The following TTC29 variants were observed in gnomAD, a reference collection of about 807,000 sequenced individuals.
TTC29 encodes the protein tetratricopeptide repeat protein 29.
TTC29 carries 49 observed loss-of-function variants against 58.1 expected under a neutral mutation model. That is an observed-to-expected ratio of 0.84 (90% CI 0.67 to 1.07). The LOEUF (loss-of-function observed/expected upper bound fraction) is 1.07, where lower values mean the gene tolerates loss of function less well. Ranked by LOEUF, TTC29 falls within the 50% of genes least tolerant of loss-of-function variation. The probability of loss-of-function intolerance (pLI) is 0.00; values close to 1 mark genes in which losing one functional copy is unlikely to be tolerated. For missense variants in TTC29, 582 were observed against 555.6 expected (o/e 1.05, Z -0.48); for synonymous variants, 209 against 196.8 (o/e 1.06, Z -0.52).
At chr4:146,837,666 C>T (rs921362821) in intron 8 of TTC29, among the ~76,000 whole-genome samples, 1 of 151,866 alleles carries the variant, frequency 6.6e-6, no homozygotes, top group Non-Finnish European at 1.5e-5. Context: ...TAAGAAAATA[C>T]AGTGTGGCAA....
chr4:146,742,521 A>C (rs1437946163), intron 11 of TTC29, among the ~76,000 whole-genome samples: 1 of 152,174 alleles, frequency 6.6e-6, no homozygotes, highest in African/African-American at 2.4e-5. Flanking sequence ...AAACATTGAA[A>C]AAAATTTGTA....
At chr4:146,788,772 T>C (rs889885226) in intron 11 of TTC29, among the ~76,000 whole-genome samples, 1 of 152,076 alleles carries the variant, frequency 6.6e-6, no homozygotes, top group Non-Finnish European at 1.5e-5. Flanking sequence ...TGTCAATATG[T>C]GGCATTTAGT....
chr4:146,773,366 C>T (rs949129950), intron 11 of TTC29, among the ~76,000 whole-genome samples: 4 of 151,866 alleles, frequency 2.6e-5, no homozygotes, highest in African/African-American at 2.4e-5. Flanking sequence ...GTCATGGATG[C>T]CTCTTATTAT....
intron 2 of TTC29, among the ~76,000 whole-genome samples, chr4:146,944,696 T>C (rs1736757745): frequency 6.6e-6 from 1 of 152,134 alleles, no homozygotes; most frequent in South Asian, 2.1e-4. Context: ...TCAAAACAAG[T>C]AGGATTTTAC....
chr4:146,758,022 A>G (rs1251336197), intron 11 of TTC29, among the ~76,000 whole-genome samples: 1 of 152,160 alleles, frequency 6.6e-6, no homozygotes, highest in Non-Finnish European at 1.5e-5. Flanking sequence ...AAATGGCTTA[A>G]ATGCTGCACT....
chr4:146,800,682 C>T (rs79232106), intron 11 of TTC29, among the ~76,000 whole-genome samples: 8 of 152,214 alleles, frequency 5.3e-5, no homozygotes, highest in East Asian at 1.9e-4. Context: ...TTTAAAAAGT[C>T]GTTAATGCAA....
intron 11 of TTC29, among the ~76,000 whole-genome samples, chr4:146,789,084 T>C (rs17021957): frequency 0.046 from 7,004 of 152,316 alleles, 236 homozygotes; most frequent in East Asian, 0.14. Flanking sequence ...TACTAAGAAA[T>C]GTTATCCTTT....
At chr4:146,759,904 C>T (rs773986117) in intron 11 of TTC29, among the ~76,000 whole-genome samples, 13 of 152,070 alleles carry the variant, frequency 8.5e-5, no homozygotes, top group Admixed American at 3.3e-4. Context: ...CTCACCACTC[C>T]TCTTCCACAT....
chr4:146,819,788 A>G (rs1198653739), intron 10 of TTC29, among the ~76,000 whole-genome samples: 1 of 152,218 alleles, frequency 6.6e-6, no homozygotes, highest in Non-Finnish European at 1.5e-5. Context: ...GATAATAGCC[A>G]ACAGTTATAA....
intron 8 of TTC29, among the ~76,000 whole-genome samples, chr4:146,854,274 C>T (rs927073782): frequency 2.6e-5 from 4 of 152,080 alleles, no homozygotes; most frequent in South Asian, 2.1e-4. Context: ...TTGAGTTCAA[C>T]GGTGCAAAAG....
Position 146,803,462 on chromosome 4 carries a change from A to G in TTC29, c.1325T>C (p.Val442Ala), listed in dbSNP as rs1750374163. 1.9e-6 allele frequency: 3 copies of G among 1,575,350 alleles called. No homozygotes were observed. Among genetic ancestry groups the G allele is most frequent in the Admixed American group, 3.7e-5 (2 of 54,318 alleles). Residue 442 changes from valine to alanine, a missense_variant, in exon 11 of 13, where the codon GTT (valine) becomes GCT (alanine). Val to Ala is a moderately conservative substitution (Grantham distance 64). Coordinates refer to ENST00000325106, the MANE Select transcript of TTC29 (RefSeq NM_031956.4). Reference protein sequence around the residue: ...ESRGNIEPDPVTEEFRGSTVE... With the variant: ...ESRGNIEPDPATEEFRGSTVE... ...TCTAAAAACCAATGCCTTACCAGTA[A>G]CTGGATCAGGTTCAATGTTACCTCT...
chr4:146,737,751 A>G (rs1744830397), intron 11 of TTC29, among the ~76,000 whole-genome samples: 1 of 151,266 alleles, frequency 6.6e-6, no homozygotes, highest in Non-Finnish European at 1.5e-5. Flanking sequence ...CAGACCAAGG[A>G]ACAAACAAAC....
rs10519831 is a variant in TTC29, at chr4:146,905,949, C to A, written c.401-2220G>T. On this transcript the variant is annotated intron_variant, in intron 5 of 12. Coordinates refer to ENST00000325106, the MANE Select transcript of TTC29 (RefSeq NM_031956.4). ...ACACCTGTGGAATTTTGCCTTAGAA[C>A]ATAATTTGTGTATCTTAAACAAACA... is the stretch of plus-strand genomic sequence containing the variant. Among the ~76,000 whole-genome samples the A allele has an allele frequency of 8.5e-3, 1,287 of 152,160 alleles. 15 individuals are homozygous for A. The highest frequency in any genetic ancestry group is 0.03 in the African/African-American group (1,237 of 41,528).
intron 12 of TTC29, 34 bp downstream of exon 12, chr4:146,707,451 A>G: frequency 6.6e-7 from 1 of 1,504,432 alleles, no homozygotes; most frequent in South Asian, 1.2e-5. Context: ...CAAAGTGGGT[A>G]CTTAATAGAA....
chr4:146,708,742 G>T (rs1282138624), intron 11 of TTC29, among the ~76,000 whole-genome samples: 1 of 151,862 alleles, frequency 6.6e-6, no homozygotes, highest in Non-Finnish European at 1.5e-5. Flanking sequence ...TCCTGAAAGA[G>T]TTCCACTTTG....
chr4:146,785,152 A>ATTGT (rs749562089), intron 11 of TTC29, among the ~76,000 whole-genome samples: 24 of 143,736 alleles, frequency 1.7e-4, no homozygotes, highest in Non-Finnish European at 2.0e-4. Context: ...ATTTTCAGCT[A>ATTGT]TTGTTTATTA....
intron 6 of TTC29, among the ~76,000 whole-genome samples, chr4:146,901,040 T>TGG (rs71592480): frequency 1.8e-4 from 28 of 151,846 alleles, no homozygotes; most frequent in Middle Eastern, 3.4e-3. Context: ...CTTCTTTTGG[T>TGG]GGGGGGGTCA....
intron 7 of TTC29, among the ~76,000 whole-genome samples, chr4:146,871,923 G>T (rs1410737621): frequency 3.9e-5 from 6 of 151,948 alleles, no homozygotes; most frequent in Non-Finnish European, 1.5e-5. Context: ...ACATGGAAAT[G>T]CAAGTGTTGA....
intron 11 of TTC29, among the ~76,000 whole-genome samples, chr4:146,776,297 C>A (rs1748085820): frequency 6.6e-6 from 1 of 152,156 alleles, no homozygotes; most frequent in Admixed American, 6.5e-5. Flanking sequence ...GTCATTTCAA[C>A]CTTTTCAGCC....
Sources: allele counts gnomAD v4.1 joint callset (sites outside exome capture counted in the v4.1 genomes callset), GRCh38; gene constraint gnomAD v4.1.1; transcripts MANE v1.5; gene names NCBI Gene and HGNC (gene_info 2026-07-23, HGNC 2026-07-21).